Variants in CHODL observed in about 807,000 individuals in gnomAD.
CHODL encodes chondrolectin.
A neutral mutation model predicts 34.5 loss-of-function variants in CHODL; 29 were observed. That is an observed-to-expected ratio of 0.84 (90% confidence interval 0.63 to 1.15). The LOEUF (loss-of-function observed/expected upper bound fraction) is 1.15, where lower values mean the gene tolerates loss of function less well. Ranked by LOEUF, CHODL falls within the 50% of genes most tolerant of loss-of-function variation. CHODL has a pLI of 0.00. For missense variants in CHODL, 332 were observed against 332.5 expected, an observed-to-expected ratio of 1.00 and a Z score of 0.01; for synonymous variants, 125 against 116.1, an observed-to-expected ratio of 1.08 and a Z score of -0.49.
At chr21:17,922,151 A>G (rs2063187985) in intron 1 of CHODL, among the ~76,000 whole-genome samples, 1 of 152,084 alleles carries the variant, frequency 6.6e-6, no homozygotes, top group African/African-American at 2.4e-5. Context: ...AGTGAGACAG[A>G]GAAGTCTAAG....
intron 1 of CHODL, among the ~76,000 whole-genome samples, chr21:18,025,946 C>T (rs963768168): frequency 6.6e-6 from 1 of 152,162 alleles, no homozygotes; most frequent in East Asian, 1.9e-4. Context: ...AATACCTTAT[C>T]TTCAAATGCT....
chr21:17,924,526 A>T (rs2063208181), intron 1 of CHODL, among the ~76,000 whole-genome samples: 1 of 152,216 alleles, frequency 6.6e-6, no homozygotes, highest in African/African-American at 2.4e-5. Flanking sequence ...GAGGAGGTGA[A>T]CAAGGAAGAG....
chr21:17,923,350 T>C (rs1306194328), intron 1 of CHODL, among the ~76,000 whole-genome samples: 1 of 151,834 alleles, frequency 6.6e-6, no homozygotes, highest in African/African-American at 2.4e-5. Context: ...GGTGTAAGCA[T>C]GGGCTCAATT....
intron 2 of CHODL, among the ~76,000 whole-genome samples, chr21:18,113,975 T>C (rs205674): frequency 0.6 from 90,962 of 152,002 alleles, 27,570 homozygotes; most frequent in East Asian, 0.89. Flanking sequence ...AAGAATGAGA[T>C]CCAGTTATTT....
chr21:18,092,340 A>G (rs2065084145), intron 2 of CHODL, among the ~76,000 whole-genome samples: 1 of 152,180 alleles, frequency 6.6e-6, no homozygotes, highest in Non-Finnish European at 1.5e-5. Context: ...AATACTTGGA[A>G]AGCCTTCCCA....
chr21:18,023,290 G>C (rs1422898529), intron 1 of CHODL, among the ~76,000 whole-genome samples: 2 of 152,080 alleles, frequency 1.3e-5, no homozygotes, highest in African/African-American at 4.8e-5. Flanking sequence ...GAGGTGGTGT[G>C]GGGGCTTAGC....
intron 2 of CHODL, among the ~76,000 whole-genome samples, chr21:18,121,027 G>C (rs374471322): frequency 6.6e-6 from 1 of 152,102 alleles, no homozygotes; most frequent in Non-Finnish European, 1.5e-5. Flanking sequence ...AAGTTTTCCA[G>C]ATGCTCTCAT....
chr21:18,100,083 TA>T (rs1238767871), intron 2 of CHODL: 3 of 151,594 alleles, frequency 2.0e-5, no homozygotes, highest in Non-Finnish European at 4.4e-5. Context: ...CCACGACAAA[TA>T]AAAATAAAAA....
chr21:18,181,276 C>G (rs1003829359), intron 2 of CHODL, among the ~76,000 whole-genome samples: 7 of 152,164 alleles, frequency 4.6e-5, no homozygotes. Context: ...ATAAAAATCA[C>G]CCATTTGAAG....
rs1352810033 is a variant in CHODL at position 18,262,890 on chromosome 21, A to G, written c.734A>G (p.Lys245Arg). 2.6e-6 allele frequency: 4 copies of G among 1,564,508 alleles called. No individual in the cohort carries two copies. The highest frequency in any genetic ancestry group is 3.5e-6 in the Non-Finnish European group (4 of 1,135,654). Residue 245 changes from lysine to arginine, a missense_variant, in exon 5 of 6, where the codon AAA becomes AGA. Transcript: ENST00000299295. ...ACCTGTTGTTTCCAGATGCTGCATA[A>G]AAGGTAAATAACTCATATATGTAGA... ...FGTCCFQMLH[K>R]SKGRTKTSPN... is the part of the protein sequence containing the mutation.
chr21:17,946,748 T>C lies in CHODL; in HGVS notation c.-145+29348T>C, dbSNP rs142698594. On this transcript the variant is annotated intron_variant, in intron 1 of 6. Transcript: ENST00000400127. ...CCTGCTTTCTTGATTTCCATTTGTA[T>C]GAAATATTTTTCTATCCCTTTACTT... 7.5e-3 allele frequency among the ~76,000 whole-genome samples: 1,147 copies of C among 152,326 alleles called. 8 individuals are homozygous for C. The highest frequency in any genetic ancestry group is 0.027 in the Middle Eastern group (8 of 294).
intron 1 of CHODL, among the ~76,000 whole-genome samples, chr21:17,917,579 A>G (rs768134277): frequency 1.7e-4 from 25 of 149,924 alleles, no homozygotes; most frequent in African/African-American, 5.8e-4. Context: ...TTCATGCCCT[A>G]CCCAAGGTGG....
intron 1 of CHODL, among the ~76,000 whole-genome samples, chr21:18,004,249 A>G (rs1346643196): frequency 1.3e-5 from 2 of 152,242 alleles, no homozygotes; most frequent in East Asian, 1.9e-4. Context: ...TTATTGGATA[A>G]TGTAATAGAC....
At chr21:18,157,969 G>A (rs759604970) in intron 2 of CHODL, among the ~76,000 whole-genome samples, 1 of 150,178 alleles carries the variant, frequency 6.7e-6, no homozygotes, top group East Asian at 2.0e-4. Context: ...AAAAAAAAGA[G>A]ACAGAAAAGG....
chr21:18,111,533 C>T (rs978020149), intron 2 of CHODL, among the ~76,000 whole-genome samples: 3 of 152,284 alleles, frequency 2.0e-5, no homozygotes, highest in African/African-American at 4.8e-5. Context: ...ATTATTGCAT[C>T]AGTTTTCTTA....
At chr21:17,949,229 G>T (rs1216085903) in intron 1 of CHODL, among the ~76,000 whole-genome samples, 1 of 152,134 alleles carries the variant, frequency 6.6e-6, no homozygotes, top group Admixed American at 6.5e-5. Context: ...TAATCTAACT[G>T]CAGAGTAATG....
At chr21:18,174,993 T>G (rs1178008114) in intron 2 of CHODL, among the ~76,000 whole-genome samples, 1 of 152,236 alleles carries the variant, frequency 6.6e-6, no homozygotes, top group Non-Finnish European at 1.5e-5. Flanking sequence ...TCCCCCTTGT[T>G]TCTTTATTTG....
chr21:17,998,200 A>G (rs2063869790), intron 1 of CHODL, among the ~76,000 whole-genome samples: 1 of 152,200 alleles, frequency 6.6e-6, no homozygotes. Flanking sequence ...TCAAATTTTA[A>G]AGCTCCAAAA....
At chr21:18,091,453 C>T (rs1320285302) in intron 2 of CHODL, among the ~76,000 whole-genome samples, 1 of 152,168 alleles carries the variant, frequency 6.6e-6, no homozygotes, top group East Asian at 1.9e-4. Context: ...GAAAGTGACT[C>T]CCTTGCTTCT....
Sources: gnomAD v4.1 joint callset for allele counts (sites outside exome capture counted in the v4.1 genomes callset) on GRCh38, gnomAD v4.1.1 for gene constraint, MANE v1.5 for transcripts, NCBI Gene and HGNC (gene_info 2026-07-23, HGNC 2026-07-21) for gene names.